RNF217: variants seen among roughly 807,000 people sequenced by gnomAD.
The protein encoded by RNF217 is ring finger protein 217.
Under a neutral mutation model 57.8 loss-of-function variants are expected in RNF217, and 31 were observed. The observed-to-expected ratio is 0.54, with a 90% CI of 0.40 to 0.72. RNF217 has a LOEUF of 0.72. Among genes scored for constraint, RNF217 ranks in the 30% least tolerant of loss-of-function variants. RNF217 has a pLI of 0.00. For missense variants in RNF217, 696 were observed against 708.3 expected (o/e 0.98, Z 0.20); for synonymous variants, 313 against 294.0 (o/e 1.06, Z -0.66).
intron 3 of RNF217, among the ~76,000 whole-genome samples, chr6:125,075,995 A>C (rs530310269): frequency 4.6e-5 from 7 of 152,226 alleles, no homozygotes; most frequent in African/African-American, 1.7e-4. Context: ...CTACCCAAAA[A>C]TGAAATCCTT....
Position 125,091,884 on chromosome 6 carries a change from G to C in RNF217, c.*8947G>C, listed in dbSNP as rs1163422325. Reference sequence around the variant, plus strand: ...CCCTGTTTATATAATATGTTATTTTGCTCTTCTTGATCTGTGCCTTTTGTT... The same window carrying C: ...CCCTGTTTATATAATATGTTATTTTCCTCTTCTTGATCTGTGCCTTTTGTT... On this transcript the variant is annotated 3_prime_UTR_variant, in exon 6 of 6. Transcript: ENST00000521654. The C allele has an allele frequency of 6.6e-6, 1 of 152,032 alleles. No individual in the cohort carries two copies. The highest frequency in any genetic ancestry group is 6.6e-5 in the Admixed American group (1 of 15,266). The allele number at this position is 152,032 out of a possible 1,614,324, so 9.4% of individuals were successfully genotyped here. A position where few individuals can be genotyped will look rare whatever the true frequency, so the allele number is the denominator to read the frequency against.
At chr6:125,071,519 TG>T (rs1788142127) in intron 3 of RNF217, among the ~76,000 whole-genome samples, 1 of 151,400 alleles carries the variant, frequency 6.6e-6, no homozygotes, top group Non-Finnish European at 1.5e-5. Context: ...TGTGTGTGTG[TG>T]TGTGTGTGTG....
At chr6:124,991,424 T>C (rs964598149) in intron 1 of RNF217, among the ~76,000 whole-genome samples, 2 of 152,228 alleles carry the variant, frequency 1.3e-5, no homozygotes, top group Non-Finnish European at 2.9e-5. Flanking sequence ...GTATACATGC[T>C]ACCAACCCTC....
intron 1 of RNF217, among the ~76,000 whole-genome samples, chr6:124,973,350 TGTTAAGG>T (rs2114994871): frequency 6.6e-6 from 1 of 152,336 alleles, no homozygotes; most frequent in African/African-American, 2.4e-5. Flanking sequence ...TTAGTCCTGC[TGTTAAGG>T]TTCTTAGAGT....
chr6:124,962,584 C>A lies in RNF217; in HGVS notation c.40C>A (p.Pro14Thr). 2 of 1,279,576 alleles carry A rather than the reference C, an allele frequency of 1.6e-6. No individual in the cohort carries two copies. Among genetic ancestry groups the A allele is most frequent in the Admixed American group, 3.9e-5 (1 of 25,666 alleles). 79.3% of individuals were successfully genotyped at this position (1,279,576 alleles called of 1,614,324 possible). The stretch of plus-strand genomic sequence containing the variant: ...GAGCACGGTGAGCGGCGGCGGCGGG[C>A]CCCAGGAGTCGCAGACCCTGGCCAG... ...EQSTVSGGGG[P>T]QESQTLASGT... The change falls in exon 1 of 6, where the codon CCC (proline) becomes ACC (threonine). Residue 14 changes from proline (P) to threonine (T), a missense_variant. Physicochemically the swap from Pro to Thr is conservative, Grantham distance 38. This residue lies in a region of RNF217 where 465 missense variants were observed against 386.8 expected (regional missense o/e 1.20). Coordinates refer to ENST00000521654, the MANE Select transcript of RNF217 (RefSeq NM_001286398.3). The surrounding 1 kb of genome is among the most constrained non-coding windows in gnomAD (Gnocchi z 4.6).
chr6:125,027,783 G>C (rs892936212), intron 1 of RNF217, among the ~76,000 whole-genome samples: 1 of 152,138 alleles, frequency 6.6e-6, no homozygotes, highest in East Asian at 1.9e-4. Context: ...AGTGTACAAA[G>C]GTTCCCTTTT....
intron 3 of RNF217, among the ~76,000 whole-genome samples, chr6:125,073,403 T>C (rs1788225900): frequency 6.6e-6 from 1 of 152,180 alleles, no homozygotes; most frequent in Non-Finnish European, 1.5e-5. Context: ...AGGCCCCTTC[T>C]TAGGCCTTGT....
intron 1 of RNF217, among the ~76,000 whole-genome samples, chr6:125,010,498 A>G (rs1307399898): frequency 6.6e-6 from 1 of 152,198 alleles, no homozygotes; most frequent in Admixed American, 6.5e-5. Context: ...GCAGATTTGG[A>G]TGTCTATACC....
intron 1 of RNF217, among the ~76,000 whole-genome samples, chr6:125,021,658 GA>G (rs1785844848): frequency 6.6e-6 from 1 of 152,112 alleles, no homozygotes; most frequent in Non-Finnish European, 1.5e-5. Context: ...GGACTTATAT[GA>G]AAATGTTGAT....
intron 2 of RNF217, chr6:125,048,175 AC>A (rs1787168011): frequency 7.5e-7 from 1 of 1,339,750 alleles, no homozygotes; most frequent in African/African-American, 1.5e-5. Context: ...TGACATGGAT[AC>A]CCCAGCCAAC....
intron 1 of RNF217, among the ~76,000 whole-genome samples, chr6:125,032,391 G>A (rs1786397821): frequency 6.6e-6 from 1 of 152,064 alleles, no homozygotes; most frequent in Admixed American, 6.6e-5. Flanking sequence ...CAAGACCAAT[G>A]CAAAGATTTG....
At chr6:125,071,378 G>T (rs1788131285) in intron 3 of RNF217, among the ~76,000 whole-genome samples, 1 of 152,018 alleles carries the variant, frequency 6.6e-6, no homozygotes, top group South Asian at 2.1e-4. Context: ...AGTGGACTGG[G>T]TTGCCAGCAT....
At chr6:124,989,994 T>C (rs1011352061) in intron 1 of RNF217, among the ~76,000 whole-genome samples, 5 of 152,096 alleles carry the variant, frequency 3.3e-5, no homozygotes, top group Admixed American at 6.6e-5. Context: ...TCCACTCCCA[T>C]CTCTTATTTC....
In RNF217 at chr6:124,962,696, G is replaced by T; in HGVS notation, c.152G>T (p.Ser51Ile). ...PPLRAASAEP[S>I]GGGCGSDWGC... ...CTGCGCGCCGCCTCCGCGGAGCCGA[G>T]CGGCGGTGGCTGCGGAAGCGACTGG... The change falls in exon 1 of 6, where the codon AGC becomes ATC. Residue 51 changes from serine to isoleucine, a missense_variant. Transcript: ENST00000521654. The surrounding 1 kb of genome is among the most constrained non-coding windows in gnomAD (Gnocchi z 4.6). 7.2e-7 allele frequency: 1 copy of T among 1,395,908 alleles called. No individual in the cohort carries two copies. Among genetic ancestry groups the T allele is most frequent in the Non-Finnish European group, 9.2e-7 (1 of 1,087,652 alleles). 86.5% of individuals were successfully genotyped at this position (1,395,908 alleles called of 1,614,324 possible).
chr6:124,964,621 A>G (rs1422193503), intron 1 of RNF217, among the ~76,000 whole-genome samples: 1 of 152,186 alleles, frequency 6.6e-6, no homozygotes, highest in Non-Finnish European at 1.5e-5. Flanking sequence ...AATGCAAACA[A>G]AGACTTAAAA....
At chr6:125,009,365 C>A (rs560259873) in intron 1 of RNF217, 3 of 870,902 alleles carry the variant, frequency 3.4e-6, no homozygotes, top group South Asian at 3.0e-5. Context: ...CTGTGAAGCC[C>A]TCTCACAGAC....
At chr6:125,041,940 T>G (rs1171986928) in intron 1 of RNF217, among the ~76,000 whole-genome samples, 1 of 152,078 alleles carries the variant, frequency 6.6e-6, no homozygotes, top group Non-Finnish European at 1.5e-5. Context: ...ATTAAACTAT[T>G]GTGCAATACT....
chr6:125,019,563 C>T (rs538296243), intron 1 of RNF217, among the ~76,000 whole-genome samples: 1 of 152,112 alleles, frequency 6.6e-6, no homozygotes, highest in Non-Finnish European at 1.5e-5. Flanking sequence ...GCTTTCTATA[C>T]TAATTACAAA....
intron 1 of RNF217, among the ~76,000 whole-genome samples, chr6:124,997,614 C>T (rs1306607736): frequency 2.0e-5 from 3 of 152,140 alleles, no homozygotes; most frequent in African/African-American, 2.4e-5. Context: ...TCTCTCACTC[C>T]TGCAAAAACA....
Sources: gnomAD v4.1 joint callset for allele counts (sites outside exome capture counted in the v4.1 genomes callset) on GRCh38, gnomAD v4.1.1 for gene constraint, gnomAD v4.1.1 regional missense constraint, Gnocchi (gnomAD v3.1) non-coding constraint, MANE v1.5 for transcripts, NCBI Gene and HGNC (gene_info 2026-07-23, HGNC 2026-07-21) for gene names.